MAP3K20: variants seen among roughly 807,000 people sequenced by gnomAD.
MAP3K20 encodes HCCS-4.
A neutral mutation model predicts 85.7 loss-of-function variants in MAP3K20; 40 were observed. The ratio of observed to expected loss-of-function variants is 0.47; its 90% CI spans 0.36 to 0.61. The LOEUF (loss-of-function observed/expected upper bound fraction) is 0.61, where lower values mean the gene tolerates loss of function less well. Among genes scored for constraint, MAP3K20 ranks in the 20% least tolerant of loss-of-function variants. The probability of loss-of-function intolerance (pLI) is 0.00; values close to 1 mark genes in which losing one functional copy is unlikely to be tolerated. For synonymous variants in MAP3K20, 325 were observed against 327.7 expected, an observed-to-expected ratio of 0.99 and a Z score of 0.09; for missense variants, 817 against 961.7, an observed-to-expected ratio of 0.85 and a Z score of 1.99.
At chr2:173,169,914 T>G (rs1369480075) in intron 3 of MAP3K20, 22 bp downstream of exon 3, 2 of 1,602,268 alleles carry the variant, frequency 1.2e-6, no homozygotes, top group South Asian at 2.2e-5. Flanking sequence ...GTGTTTGACT[T>G]CTTTCTTTTT....
At position 173,239,439 on chromosome 2, in the gene MAP3K20, A is replaced by T; in HGVS notation, c.1302A>T (p.Lys434Asn). The change falls in exon 16 of 20, where the codon AAA becomes AAT. Residue 434 changes from lysine (K) to asparagine (N), a missense_variant. Coordinates refer to ENST00000375213, the MANE Select transcript of MAP3K20 (RefSeq NM_016653.3). Reference sequence around the variant, plus strand: ...GTGAACCTGAAGAAAATGAGGAAAAAATAGTGAACCTGGAACTGGTTTTTG... The same window carrying T: ...GTGAACCTGAAGAAAATGAGGAAAATATAGTGAACCTGGAACTGGTTTTTG... The part of the protein sequence containing the change: ...SGGEPEENEE[K>N]IVNLELVFGF... 6.2e-7 allele frequency: 1 copy of T among 1,613,782 alleles called. No homozygotes were observed. Among genetic ancestry groups the T allele is most frequent in the Non-Finnish European group, 8.5e-7 (1 of 1,179,944 alleles).
intron 7 of MAP3K20, 66 bp from the exon 8 acceptor site, chr2:173,197,960 T>G: frequency 7.1e-7 from 1 of 1,408,484 alleles, no homozygotes; most frequent in Non-Finnish European, 9.8e-7. Flanking sequence ...TTAGATAAGG[T>G]CTCAGTAATA....
intron 8 of MAP3K20, among the ~76,000 whole-genome samples, chr2:173,199,188 A>G (rs1690952028): frequency 6.6e-6 from 1 of 152,204 alleles, no homozygotes; most frequent in Non-Finnish European, 1.5e-5. Flanking sequence ...AACAAACTAG[A>G]TTAATCAAAA....
chr2:173,122,637 C>T (rs757920508), intron 2 of MAP3K20, among the ~76,000 whole-genome samples: 8 of 152,056 alleles, frequency 5.3e-5, no homozygotes, highest in Non-Finnish European at 8.8e-5. Flanking sequence ...ATTGTGGTGA[C>T]GTAATGGCCA....
At chr2:173,099,943 C>A (rs555805457) in intron 2 of MAP3K20, among the ~76,000 whole-genome samples, 1 of 152,324 alleles carries the variant, frequency 6.6e-6, no homozygotes, top group East Asian at 1.9e-4. Context: ...CATAGGAAGA[C>A]TTGGATAACT....
intron 8 of MAP3K20, among the ~76,000 whole-genome samples, chr2:173,201,183 A>C (rs73974103): frequency 0.15 from 22,722 of 151,986 alleles, 2,460 homozygotes; most frequent in African/African-American, 0.3. Flanking sequence ...CTTAATAATA[A>C]AATAAGATGT....
chr2:173,129,607 G>T (rs77959302), intron 2 of MAP3K20, among the ~76,000 whole-genome samples: 1 of 152,196 alleles, frequency 6.6e-6, no homozygotes, highest in Non-Finnish European at 1.5e-5. Flanking sequence ...CAGCAAATAG[G>T]AGCAGAGCTG....
intron 2 of MAP3K20, among the ~76,000 whole-genome samples, chr2:173,154,178 A>C (rs1469964107): frequency 6.6e-6 from 1 of 152,172 alleles, no homozygotes; most frequent in African/African-American, 2.4e-5. Flanking sequence ...TATGAACCCA[A>C]ATGGAATCCA....
intron 2 of MAP3K20, among the ~76,000 whole-genome samples, chr2:173,162,475 C>G (rs1410757841): frequency 1.3e-5 from 2 of 152,064 alleles, no homozygotes; most frequent in Non-Finnish European, 2.9e-5. Context: ...CACCTGAGGT[C>G]AGGAGTTTGA....
intron 19 of MAP3K20, among the ~76,000 whole-genome samples, chr2:173,264,103 T>C (rs1420564330): frequency 6.6e-6 from 1 of 152,192 alleles, no homozygotes; most frequent in Non-Finnish European, 1.5e-5. Context: ...GGATCACCTG[T>C]GAACTTGCTA....
rs564676527 is a variant in MAP3K20 at position 173,130,519 on chromosome 2, G to T, written c.160-39286G>T. Among the ~76,000 whole-genome samples the T allele has an allele frequency of 3.6e-4, 55 of 152,140 alleles. 2 individuals are homozygous for T. The South Asian group carries it at 0.011, about 30-fold the overall frequency. On this transcript the variant is annotated intron_variant, in intron 2 of 19. Transcript: ENST00000375213. The stretch of plus-strand genomic sequence containing the variant: ...TCTGGAATTAGTTGCTTCCCTCTCT[G>T]ATGTCTTCATCTGTAAAATGAGAGT...
At chr2:173,239,023 A>G (rs1574147242) in intron 15 of MAP3K20, among the ~76,000 whole-genome samples, 1 of 152,138 alleles carries the variant, frequency 6.6e-6, no homozygotes, top group East Asian at 1.9e-4. Context: ...TCCTCCATCC[A>G]CTGCGTAATC....
At chr2:173,176,448 A>C (rs1690158528) in intron 3 of MAP3K20, among the ~76,000 whole-genome samples, 1 of 152,120 alleles carries the variant, frequency 6.6e-6, no homozygotes, top group Non-Finnish European at 1.5e-5. Flanking sequence ...TATTGGAGAA[A>C]ATCTTCTATA....
At chr2:173,256,546 C>T (rs1435099319) in intron 16 of MAP3K20, among the ~76,000 whole-genome samples, 15 of 151,784 alleles carry the variant, frequency 9.9e-5, no homozygotes, top group Admixed American at 9.8e-4. Context: ...GACAGACAGA[C>T]AGATAGAGAG....
chr2:173,112,463 AGT>A (rs1179203832), intron 2 of MAP3K20, among the ~76,000 whole-genome samples: 1 of 152,176 alleles, frequency 6.6e-6, no homozygotes, highest in Non-Finnish European at 1.5e-5. Context: ...GAGTGGCAAG[AGT>A]GGGCATTCTT....
At chr2:173,249,630 A>C (rs1684998691) in intron 16 of MAP3K20, among the ~76,000 whole-genome samples, 1 of 152,236 alleles carries the variant, frequency 6.6e-6, no homozygotes, top group Non-Finnish European at 1.5e-5. Context: ...GTATTTAAAA[A>C]TGTTAAAGCA....
At chr2:173,175,976 A>G (rs1690141210) in intron 3 of MAP3K20, among the ~76,000 whole-genome samples, 1 of 152,216 alleles carries the variant, frequency 6.6e-6, no homozygotes, top group Non-Finnish European at 1.5e-5. Flanking sequence ...TTAAAGAAAT[A>G]TGAAGCCACA....
intron 8 of MAP3K20, among the ~76,000 whole-genome samples, chr2:173,199,697 T>A (rs1198103838): frequency 8.6e-6 from 1 of 116,896 alleles, no homozygotes; most frequent in Non-Finnish European, 1.8e-5. Context: ...TTGTTTTTGT[T>A]TTTTTAGCTA....
chr2:173,201,094 C>T (rs1472130374), intron 8 of MAP3K20, among the ~76,000 whole-genome samples: 3 of 152,148 alleles, frequency 2.0e-5, no homozygotes, highest in Admixed American at 6.5e-5. Context: ...TCATTTTCAC[C>T]ATTTAAGATT....
Sources: gnomAD v4.1 joint callset for allele counts (sites outside exome capture counted in the v4.1 genomes callset) on GRCh38, gnomAD v4.1.1 for gene constraint, MANE v1.5 for transcripts, NCBI Gene and HGNC (gene_info 2026-07-23, HGNC 2026-07-21) for gene names.